CSNK2A2IP: variants seen among roughly 807,000 people sequenced by gnomAD.
CSNK2A2IP encodes casein kinase II subunit alpha'-interacting protein.
the CSNK2A2IP span, among the ~76,000 whole-genome samples, chr3:88,361,080 G>A: frequency 7.8e-4 from 118 of 152,038 alleles, no homozygotes; most frequent in South Asian, 2.9e-3. Context: ...TATAATTGTC[G>A]TAGTTATTAT....
At chr3:88,449,854 C>CACACACATATATATATATAT in the CSNK2A2IP span, among the ~76,000 whole-genome samples, 1 of 84,360 alleles carries the variant, frequency 1.2e-5, no homozygotes, top group African/African-American at 4.0e-5. Context: ...CACACACACA[C>CACACACATATATATATATAT]ATATATATAT....
the CSNK2A2IP span, among the ~76,000 whole-genome samples, chr3:88,417,849 T>C: frequency 1.3e-5 from 2 of 152,236 alleles, no homozygotes; most frequent in Non-Finnish European, 2.9e-5. Flanking sequence ...ATATTTTGAC[T>C]TGAATTGCCT....
At chr3:88,383,680 G>A in the CSNK2A2IP span, among the ~76,000 whole-genome samples, 14 of 123,094 alleles carry the variant, frequency 1.1e-4, no homozygotes, top group African/African-American at 3.4e-4. Context: ...TTTTTGGGAC[G>A]GAGTCTTGCT....
chr3:88,379,085 G>C, the CSNK2A2IP span, among the ~76,000 whole-genome samples: 1 of 149,920 alleles, frequency 6.7e-6, no homozygotes, highest in Non-Finnish European at 1.5e-5. Context: ...CTTTTTTTTT[G>C]TTAATGATCT....
chr3:88,449,007 A>G, the CSNK2A2IP span, among the ~76,000 whole-genome samples: 2 of 152,062 alleles, frequency 1.3e-5, no homozygotes, highest in African/African-American at 4.8e-5. Context: ...AAAATGTCCT[A>G]AAAAAGAGAA....
At chr3:88,418,584 T>A in the CSNK2A2IP span, among the ~76,000 whole-genome samples, 1 of 152,186 alleles carries the variant, frequency 6.6e-6, no homozygotes, top group Non-Finnish European at 1.5e-5. Flanking sequence ...TGACAGGAGG[T>A]AAGGGGAAAG....
the CSNK2A2IP span, among the ~76,000 whole-genome samples, chr3:88,463,375 G>A: frequency 1.3e-5 from 2 of 151,960 alleles, no homozygotes; most frequent in African/African-American, 2.4e-5. Flanking sequence ...AGCATAGGTC[G>A]CTTTGTTGAG....
At chr3:88,375,640 A>G in the CSNK2A2IP span, among the ~76,000 whole-genome samples, 3 of 151,824 alleles carry the variant, frequency 2.0e-5, no homozygotes, top group African/African-American at 7.2e-5. Flanking sequence ...AAGGGCCTAA[A>G]AACCCAAACT....
chr3:88,429,516 A>G, the CSNK2A2IP span, among the ~76,000 whole-genome samples: 12,755 of 152,208 alleles, frequency 0.084, 939 homozygotes, highest in Admixed American at 0.24. Flanking sequence ...TTAGGGCAGA[A>G]AATTCATCGT....
chr3:88,345,699 C>T, the CSNK2A2IP span, among the ~76,000 whole-genome samples: 1 of 151,926 alleles, frequency 6.6e-6, no homozygotes, highest in Non-Finnish European at 1.5e-5. Flanking sequence ...CTCTTGACTT[C>T]TCCATCAACT....
chr3:88,354,537 G>T, the CSNK2A2IP span, among the ~76,000 whole-genome samples: 1 of 152,178 alleles, frequency 6.6e-6, no homozygotes, highest in Non-Finnish European at 1.5e-5. Context: ...AATATTTTAA[G>T]TGAGAGATGT....
chr3:88,363,713 T>C, the CSNK2A2IP span, among the ~76,000 whole-genome samples: 1 of 152,224 alleles, frequency 6.6e-6, no homozygotes, highest in Non-Finnish European at 1.5e-5. Flanking sequence ...GAAACAGTTA[T>C]ATCCTTTCTG....
the CSNK2A2IP span, among the ~76,000 whole-genome samples, chr3:88,395,048 C>A: frequency 6.6e-6 from 1 of 152,048 alleles, no homozygotes; most frequent in Non-Finnish European, 1.5e-5. Flanking sequence ...TAAAAAAGTC[C>A]TTTGTTCTGT....
the CSNK2A2IP span, among the ~76,000 whole-genome samples, chr3:88,376,593 C>T: frequency 6.6e-6 from 1 of 151,748 alleles, no homozygotes; most frequent in Non-Finnish European, 1.5e-5. Flanking sequence ...ATCTTAGTTT[C>T]AGTTACTGTT....
chr3:88,445,788 A>G, the CSNK2A2IP span, among the ~76,000 whole-genome samples: 4 of 152,116 alleles, frequency 2.6e-5, no homozygotes, highest in Admixed American at 2.6e-4. Context: ...CCCAGTCTCA[A>G]ACAATCATAC....
At chr3:88,398,409 A>G in the CSNK2A2IP span, among the ~76,000 whole-genome samples, 1 of 152,158 alleles carries the variant, frequency 6.6e-6, no homozygotes, top group South Asian at 2.1e-4. Context: ...AAGAATATTA[A>G]TGCTGAAGGA....
the CSNK2A2IP span, among the ~76,000 whole-genome samples, chr3:88,346,021 G>T: frequency 1.3e-5 from 2 of 151,392 alleles, no homozygotes; most frequent in Non-Finnish European, 3.0e-5. Flanking sequence ...ATAATAAAGT[G>T]AAACAGCCTT....
chr3:88,454,534 C>G, the CSNK2A2IP span, among the ~76,000 whole-genome samples: 1 of 151,720 alleles, frequency 6.6e-6, no homozygotes, highest in Non-Finnish European at 1.5e-5. Context: ...TGTTCCAGAA[C>G]TTATATAGTT....
the CSNK2A2IP span, among the ~76,000 whole-genome samples, chr3:88,450,827 C>G: frequency 3.3e-5 from 5 of 152,074 alleles, no homozygotes; most frequent in African/African-American, 1.2e-4. Context: ...AGGTAGGTAT[C>G]TTTATGAGAT....
Sources: allele counts gnomAD v4.1 joint callset (sites outside exome capture counted in the v4.1 genomes callset), GRCh38; gene constraint gnomAD v4.1.1; transcripts MANE v1.5; gene names NCBI Gene and HGNC (gene_info 2026-07-23, HGNC 2026-07-21).